The following AKR1B15 variants were observed in gnomAD, a reference collection of about 807,000 sequenced individuals.
AKR1B15 encodes aldo-keto reductase family 1 member B15.
AKR1B15 carries 49 observed loss-of-function variants against 38.5 expected under a neutral mutation model. The observed-to-expected ratio is 1.27, with a 90% CI of 1.01 to 1.62. The LOEUF (loss-of-function observed/expected upper bound fraction) is 1.62. Ranked by LOEUF, AKR1B15 falls within the 40% of genes most tolerant of loss-of-function variation. AKR1B15 has a pLI of 0.00. For missense variants in AKR1B15, 411 were observed against 381.6 expected (o/e 1.08, Z -0.64); for synonymous variants, 137 against 135.5 (o/e 1.01, Z -0.08).
At chr7:134,559,276 A>C (rs948878985) in intron 2 of AKR1B15, among the ~76,000 whole-genome samples, 1 of 152,160 alleles carries the variant, frequency 6.6e-6, no homozygotes, top group East Asian at 1.9e-4. Flanking sequence ...TATACCACAA[A>C]AAATCAAGCA....
chr7:134,562,832 C>CTCTTTCAT (rs1794436763), intron 2 of AKR1B15, among the ~76,000 whole-genome samples: 7 of 122,694 alleles, frequency 5.7e-5, no homozygotes, highest in Non-Finnish European at 1.2e-4. Context: ...TCCTTCCTTT[C>CTCTTTCAT]TCTTTCTTTC....
At chr7:134,558,443 T>C (rs573666970) in intron 2 of AKR1B15, among the ~76,000 whole-genome samples, 2 of 152,186 alleles carry the variant, frequency 1.3e-5, no homozygotes, top group Admixed American at 1.3e-4. Context: ...TTTGAACTAA[T>C]AGAAAATACT....
chr7:134,562,898 C>CTTTCT (rs1170775230), intron 2 of AKR1B15, among the ~76,000 whole-genome samples: 1 of 135,086 alleles, frequency 7.4e-6, no homozygotes. Flanking sequence ...TTCCTTCTTT[C>CTTTCT]TTCCTTCCTT....
At chr7:134,579,117 G>A (rs540429286) in intron 11 of AKR1B15, among the ~76,000 whole-genome samples, 31 of 152,262 alleles carry the variant, frequency 2.0e-4, no homozygotes, top group African/African-American at 7.0e-4. Flanking sequence ...GAATGTGCCA[G>A]GGTCCTGAGC....
chr7:134,570,316 G>A (rs559102722), intron 5 of AKR1B15: 1 of 152,270 alleles, frequency 6.6e-6, no homozygotes, highest in African/African-American at 2.4e-5. Context: ...AACTTCATTA[G>A]CAATTTTAAT....
Position 134,579,645 on chromosome 7 carries a change from A to T in AKR1B15, c.*96A>T, listed in dbSNP as rs1437073325. 8.6e-7 allele frequency: 1 copy of T among 1,161,338 alleles called. No homozygotes were observed. The highest frequency in any genetic ancestry group is 1.2e-6 in the Non-Finnish European group (1 of 826,428). The allele number at this position is 1,161,338 out of a possible 1,614,324, so 71.9% of individuals were successfully genotyped here. Reference sequence around the variant, plus strand: ...GAACTATTTTAGCCAAGCTTATCTGAGATCACAGTGAACTTTGTCCTGTTG... The same window carrying T: ...GAACTATTTTAGCCAAGCTTATCTGTGATCACAGTGAACTTTGTCCTGTTG... On this transcript the variant is annotated 3_prime_UTR_variant, in exon 12 of 12. Coordinates refer to ENST00000457545, the MANE Select transcript of AKR1B15 (RefSeq NM_001080538.3).
In AKR1B15 at chr7:134,579,812, C is replaced by G. The variant is rs1794844081; in HGVS notation, c.*263C>G. On this transcript the variant is annotated 3_prime_UTR_variant, in exon 12 of 12. Transcript: ENST00000457545. ...ATCTGATCAAATGTCTGTTAAGCAC[C>G]AGAAACTCTGCCAACACTGAGGATG... 1.3e-5 allele frequency: 5 copies of G among 372,146 alleles called. No homozygotes were observed. In the Admixed American group the frequency reaches 1.4e-4, roughly 10 times the overall value. The allele number at this position is 372,146 out of a possible 1,614,324, so 23.1% of individuals were successfully genotyped here. A position where few individuals can be genotyped will look rare whatever the true frequency, so the allele number is the denominator to read the frequency against.
chr7:134,568,623 AG>A (rs1434812746), intron 4 of AKR1B15, among the ~76,000 whole-genome samples: 11 of 152,172 alleles, frequency 7.2e-5, no homozygotes, highest in Admixed American at 7.2e-4. Context: ...TCACAGGCCA[AG>A]GGTGCAGGCA....
chr7:134,567,262 C>T (rs770626047), intron 3 of AKR1B15, among the ~76,000 whole-genome samples: 1 of 152,184 alleles, frequency 6.6e-6, no homozygotes, highest in African/African-American at 2.4e-5. Context: ...TTGCCCCCAT[C>T]ATTGGCTTGG....
chr7:134,571,565 G>A (rs765687778), intron 5 of AKR1B15, 39 bp from the exon 6 acceptor site: 7 of 1,515,296 alleles, frequency 4.6e-6, no homozygotes, highest in Non-Finnish European at 6.4e-6. Context: ...CAAGTGTCCT[G>A]ATGCAGATTC....
At chr7:134,575,334 A>G in intron 6 of AKR1B15, 86 bp from the exon 7 acceptor site, 1 of 1,539,232 alleles carries the variant, frequency 6.5e-7, no homozygotes, top group South Asian at 1.3e-5. Context: ...ATCCTTTAGC[A>G]ATTTCTGCCC....
intron 5 of AKR1B15, chr7:134,570,193 C>G (rs1321528650): frequency 6.6e-6 from 1 of 152,140 alleles, no homozygotes; most frequent in Non-Finnish European, 1.5e-5. Flanking sequence ...CTGTTGTGCT[C>G]CCAGGCTTAT....
At position 134,569,427 on chromosome 7, in the gene AKR1B15, C is replaced by G. The variant is rs143311348; in HGVS notation, c.333C>G (p.Phe111Leu). Residue 111 changes from phenylalanine to leucine, a missense_variant, in exon 5 of 12, where the codon TTC (phenylalanine) becomes TTG (leucine). Around this residue, in one of 3 missense-constraint regions of AKR1B15, gnomAD observed 254 missense variants for 212.4 expected, o/e 1.20. Transcript: ENST00000457545. ...ACTCTTTGCAGGTGTGGCCCACTTT[C>G]TTTGAGAGACCCCTTGTGAGGAAAG... ...LFIVSKVWPT[F>L]FERPLVRKAF... 1.3e-3 allele frequency: 2,023 copies of G among 1,614,072 alleles called. 34 individuals carry two copies. The East Asian group carries it at 0.039, about 31-fold the overall frequency.
chr7:134,552,447 C>G (rs10267447), intron 1 of AKR1B15, among the ~76,000 whole-genome samples: 3,317 of 152,244 alleles, frequency 0.022, 123 homozygotes, highest in African/African-American at 0.076. Flanking sequence ...CACCACCCTG[C>G]CGGTCCAGGT....
intron 1 of AKR1B15, among the ~76,000 whole-genome samples, chr7:134,552,114 T>A (rs1794004367): frequency 6.6e-6 from 1 of 152,080 alleles, no homozygotes; most frequent in South Asian, 2.1e-4. Context: ...GAGAGGTGAG[T>A]TTAGGACAGA....
In AKR1B15 at chr7:134,562,043, G is replaced by A. The variant is rs958600479; in HGVS notation, c.-22-2555G>A. 9.9e-5 allele frequency among the ~76,000 whole-genome samples: 15 copies of A among 152,220 alleles called. 1 individual carries two copies. Among genetic ancestry groups the A allele is most frequent in the East Asian group, 3.9e-4 (2 of 5,162 alleles). On this transcript the variant is annotated intron_variant, in intron 2 of 11. Coordinates refer to ENST00000457545, the MANE Select transcript of AKR1B15 (RefSeq NM_001080538.3). ...GTGTCGCCCAGGCTGGAGTGCAGTGGCACAATCTCGGCTCACTGCAACTTC... is the reference window on the plus strand; with the variant it reads ...GTGTCGCCCAGGCTGGAGTGCAGTGACACAATCTCGGCTCACTGCAACTTC...
chr7:134,557,117 C>T (rs1794224718), intron 2 of AKR1B15, among the ~76,000 whole-genome samples: 1 of 152,198 alleles, frequency 6.6e-6, no homozygotes, highest in African/African-American at 2.4e-5. Flanking sequence ...CCACCTTTCT[C>T]ATTCCTGGAG....
chr7:134,573,055 G>T (rs1325953377), intron 6 of AKR1B15, among the ~76,000 whole-genome samples: 1 of 152,130 alleles, frequency 6.6e-6, no homozygotes, highest in Non-Finnish European at 1.5e-5. Context: ...TTTTGATACA[G>T]ATTCTCACTC....
At chr7:134,569,042 C>T (rs1402630054) in intron 4 of AKR1B15, among the ~76,000 whole-genome samples, 1 of 152,130 alleles carries the variant, frequency 6.6e-6, no homozygotes, top group Non-Finnish European at 1.5e-5. Flanking sequence ...GCCATCTATT[C>T]CCAAAGGCCT....
Sources: allele counts gnomAD v4.1 joint callset (sites outside exome capture counted in the v4.1 genomes callset), GRCh38; gene constraint gnomAD v4.1.1; regional missense constraint gnomAD v4.1.1; transcripts MANE v1.5; gene names NCBI Gene and HGNC (gene_info 2026-07-23, HGNC 2026-07-21).